The following SCHIP1 variants were observed in gnomAD, a reference collection of about 807,000 sequenced individuals.
The protein encoded by SCHIP1 is schwannomin interacting protein 1.
SCHIP1 carries 8 observed loss-of-function variants against 29.7 expected under a neutral mutation model. The ratio of observed to expected loss-of-function variants is 0.27; its 90% CI spans 0.16 to 0.49. The LOEUF is 0.49. SCHIP1 is among the 20% of genes least tolerant of loss of function. The pLI, the probability that SCHIP1 is intolerant of heterozygous loss-of-function variation, is 0.99. For missense variants in SCHIP1, 193 were observed against 294.6 expected, an observed-to-expected ratio of 0.66 and a Z score of 2.52; for synonymous variants, 76 against 94.9, an observed-to-expected ratio of 0.80 and a Z score of 1.16.
At chr3:159,761,752 G>C in the SCHIP1 span, among the ~76,000 whole-genome samples, 1 of 152,214 alleles carries the variant, frequency 6.6e-6, no homozygotes, top group Non-Finnish European at 1.5e-5. Context: ...GTTTATATTT[G>C]GCTTTGAAAT....
the SCHIP1 span, among the ~76,000 whole-genome samples, chr3:159,633,368 C>T: frequency 6.6e-5 from 10 of 152,230 alleles, no homozygotes; most frequent in East Asian, 1.4e-3. Context: ...GAAAAGCACA[C>T]GTCTCCAAAT....
At chr3:159,562,706 ACAAGTCTTTTCC>A in the SCHIP1 span, among the ~76,000 whole-genome samples, 1 of 152,246 alleles carries the variant, frequency 6.6e-6, no homozygotes. Context: ...CAGTGACTTC[ACAAGTCTTTTCC>A]CAATTCATCC....
chr3:159,384,556 T>C, the SCHIP1 span, among the ~76,000 whole-genome samples: 1 of 150,356 alleles, frequency 6.7e-6, no homozygotes, highest in Non-Finnish European at 1.5e-5. Flanking sequence ...TCAAGGATAT[T>C]GGTCTAAAAT....
the SCHIP1 span, chr3:159,765,101 T>C: frequency 1.3e-6 from 2 of 1,570,692 alleles, no homozygotes; most frequent in Admixed American, 1.9e-5. Flanking sequence ...GAGCAGGAGG[T>C]ACGGAACCAG....
the SCHIP1 span, among the ~76,000 whole-genome samples, chr3:159,744,385 C>T: frequency 1.3e-5 from 2 of 152,164 alleles, no homozygotes; most frequent in African/African-American, 4.8e-5. Context: ...CCCATTAAAA[C>T]CAGTACAGAC....
At chr3:159,593,570 T>A in the SCHIP1 span, among the ~76,000 whole-genome samples, 13 of 152,222 alleles carry the variant, frequency 8.5e-5, no homozygotes, top group Middle Eastern at 3.4e-3. Flanking sequence ...TGAGAGATAG[T>A]GGAGTGATGA....
the SCHIP1 span, among the ~76,000 whole-genome samples, chr3:159,494,373 G>A: frequency 1.2e-4 from 18 of 151,980 alleles, no homozygotes; most frequent in African/African-American, 4.3e-4. Flanking sequence ...TAATAAAGAA[G>A]AAAAGAGAGA....
chr3:159,569,450 G>C, the SCHIP1 span, among the ~76,000 whole-genome samples: 1 of 152,126 alleles, frequency 6.6e-6, no homozygotes, highest in Non-Finnish European at 1.5e-5. Flanking sequence ...AGTTTGCTGA[G>C]AATGATGGTT....
At chr3:159,380,922 A>G in the SCHIP1 span, among the ~76,000 whole-genome samples, 2 of 152,200 alleles carry the variant, frequency 1.3e-5, no homozygotes, top group Non-Finnish European at 2.9e-5. Flanking sequence ...TTGTATATGG[A>G]AAAACACAGT....
the SCHIP1 span, among the ~76,000 whole-genome samples, chr3:159,766,746 G>C: frequency 2.6e-5 from 4 of 152,182 alleles, no homozygotes; most frequent in African/African-American, 9.7e-5. Context: ...GGTTCTGAGT[G>C]CTGTAGTTAC....
At chr3:159,510,775 G>A in the SCHIP1 span, among the ~76,000 whole-genome samples, 2 of 152,220 alleles carry the variant, frequency 1.3e-5, no homozygotes, top group African/African-American at 4.8e-5. Flanking sequence ...AGAGGCTGCA[G>A]AACAGTGAAT....
At chr3:159,574,984 G>A in the SCHIP1 span, among the ~76,000 whole-genome samples, 4 of 152,218 alleles carry the variant, frequency 2.6e-5, no homozygotes, top group African/African-American at 9.6e-5. Context: ...GGGCAGGAGT[G>A]TCCCGTTTTT....
the SCHIP1 span, among the ~76,000 whole-genome samples, chr3:159,425,067 G>A: frequency 1.3e-5 from 2 of 151,544 alleles, no homozygotes; most frequent in East Asian, 1.9e-4. Context: ...GGAACAACCG[G>A]TACCAGCCGC....
chr3:159,803,779 T>C, the SCHIP1 span, among the ~76,000 whole-genome samples: 1 of 152,224 alleles, frequency 6.6e-6, no homozygotes. Flanking sequence ...TGTCACAGCG[T>C]TCCTTCGTCC....
At chr3:159,428,012 A>T in the SCHIP1 span, among the ~76,000 whole-genome samples, 15 of 152,314 alleles carry the variant, frequency 9.8e-5, no homozygotes, top group Admixed American at 8.5e-4. Flanking sequence ...CTGAAACTGG[A>T]TCCCTTCCTT....
chr3:159,549,913 G>T, the SCHIP1 span, among the ~76,000 whole-genome samples: 1 of 152,070 alleles, frequency 6.6e-6, no homozygotes, highest in Admixed American at 6.6e-5. Context: ...ATTATCTGGG[G>T]AAGAGTCATG....
chr3:159,687,382 G>T, the SCHIP1 span, among the ~76,000 whole-genome samples: 766 of 151,952 alleles, frequency 5.0e-3, 10 homozygotes, highest in Admixed American at 0.024. Context: ...TCTCTGAATG[G>T]CAAGAAAATA....
the SCHIP1 span, among the ~76,000 whole-genome samples, chr3:159,682,192 GAT>G: frequency 6.6e-6 from 1 of 152,126 alleles, no homozygotes. Flanking sequence ...CCCCAAATGA[GAT>G]AACATATTTA....
At chr3:159,331,432 G>A in the SCHIP1 span, among the ~76,000 whole-genome samples, 1 of 152,160 alleles carries the variant, frequency 6.6e-6, no homozygotes, top group Non-Finnish European at 1.5e-5. Flanking sequence ...GACAAGGTGA[G>A]GCCAAAGGGA....
Sources: allele counts gnomAD v4.1 joint callset (sites outside exome capture counted in the v4.1 genomes callset), GRCh38; gene constraint gnomAD v4.1.1; transcripts MANE v1.5; gene names NCBI Gene and HGNC (gene_info 2026-07-23, HGNC 2026-07-21).